The following TMEM132D variants were observed in gnomAD, a reference collection of about 807,000 sequenced individuals.
The protein encoded by TMEM132D is transmembrane protein 132D, also known as mature OL transmembrane protein.
TMEM132D carries 21 observed loss-of-function variants against 62.3 expected under a neutral mutation model. The ratio of observed to expected loss-of-function variants is 0.34; its 90% confidence interval spans 0.24 to 0.49. TMEM132D has a LOEUF of 0.49. Among genes scored for constraint, TMEM132D ranks in the 20% least tolerant of loss-of-function variants. The pLI, the probability that TMEM132D is intolerant of heterozygous loss-of-function variation, is 0.99. For missense variants in TMEM132D, 1,346 were observed against 1,402.8 expected, an observed-to-expected ratio of 0.96 and a Z score of 0.65; for synonymous variants, 621 against 575.6, an observed-to-expected ratio of 1.08 and a Z score of -1.13.
chr12:129,601,189 T>C (rs1733135711), intron 2 of TMEM132D, among the ~76,000 whole-genome samples: 1 of 152,218 alleles, frequency 6.6e-6, no homozygotes, highest in African/African-American at 2.4e-5. Context: ...GATGGCATCT[T>C]TTCTTAAATC....
intron 4 of TMEM132D, among the ~76,000 whole-genome samples, chr12:129,313,291 A>G (rs1882026337): frequency 6.6e-6 from 1 of 152,126 alleles, no homozygotes; most frequent in African/African-American, 2.4e-5. Context: ...ACACTGCACC[A>G]TATTTGTAGT....
At chr12:129,611,674 T>A (rs947958103) in intron 2 of TMEM132D, among the ~76,000 whole-genome samples, 1 of 152,162 alleles carries the variant, frequency 6.6e-6, no homozygotes, top group Non-Finnish European at 1.5e-5. Context: ...CACTCCATCA[T>A]GGGAGGACAG....
intron 5 of TMEM132D, among the ~76,000 whole-genome samples, chr12:129,137,947 C>T (rs1876634472): frequency 6.6e-6 from 1 of 151,774 alleles, no homozygotes; most frequent in Non-Finnish European, 1.5e-5. Context: ...ATGTTATTTT[C>T]ATCCATGTGT....
intron 2 of TMEM132D, among the ~76,000 whole-genome samples, chr12:129,612,359 C>T (rs1878798996): frequency 6.6e-6 from 1 of 152,160 alleles, no homozygotes; most frequent in Admixed American, 6.5e-5. Context: ...GGAACGCCTC[C>T]TGGCCAAGTT....
chr12:129,168,386 C>G (rs1453561808), intron 5 of TMEM132D, among the ~76,000 whole-genome samples: 1 of 152,090 alleles, frequency 6.6e-6, no homozygotes, highest in East Asian at 1.9e-4. Flanking sequence ...GTAATTTTTG[C>G]CACACCCAAA....
At chr12:129,335,288 C>A (rs532854218) in intron 4 of TMEM132D, among the ~76,000 whole-genome samples, 1 of 151,852 alleles carries the variant, frequency 6.6e-6, no homozygotes, top group Non-Finnish European at 1.5e-5. Context: ...TGTGCCATCA[C>A]ACCTGGCTAA....
chr12:129,315,468 C>A (rs146442564), intron 4 of TMEM132D, among the ~76,000 whole-genome samples: 91 of 152,270 alleles, frequency 6.0e-4, no homozygotes, highest in Middle Eastern at 3.4e-3. Flanking sequence ...ATGTGTTAAA[C>A]CATCCCTGCA....
chr12:129,858,767 A>G (rs1873773729), intron 1 of TMEM132D, among the ~76,000 whole-genome samples: 1 of 81,006 alleles, frequency 1.2e-5, no homozygotes, highest in Non-Finnish European at 2.3e-5. Context: ...AGTCCGGGGA[A>G]ACGGGATGGG....
intron 4 of TMEM132D, among the ~76,000 whole-genome samples, chr12:129,281,376 G>T (rs1407811849): frequency 2.0e-5 from 3 of 147,158 alleles, no homozygotes; most frequent in East Asian, 2.0e-4. Flanking sequence ...AGGTTTTTTT[G>T]TTTGTTTGTT....
chr12:129,379,062 C>A (rs1187058536), intron 3 of TMEM132D, among the ~76,000 whole-genome samples: 2 of 151,974 alleles, frequency 1.3e-5, no homozygotes, highest in East Asian at 3.9e-4. Flanking sequence ...GGTAATAAAT[C>A]GTGTTAAATA....
chr12:129,704,501 G>A (rs1324057185), intron 1 of TMEM132D, among the ~76,000 whole-genome samples: 1 of 152,184 alleles, frequency 6.6e-6, no homozygotes, highest in African/African-American at 2.4e-5. Context: ...CAGTGATGGG[G>A]GCAGGAGGTT....
chr12:129,131,514 G>A (rs558619783), intron 5 of TMEM132D, among the ~76,000 whole-genome samples: 1 of 152,268 alleles, frequency 6.6e-6, no homozygotes, highest in African/African-American at 2.4e-5. Flanking sequence ...GGCTGAGGCA[G>A]GAGAATCGCT....
Position 129,170,806 on chromosome 12 carries a change from T to TAA in TMEM132D, c.1443+38712_1443+38713dup, listed in dbSNP as rs35002656. On this transcript the variant is annotated intron_variant, in intron 5 of 8. Transcript: ENST00000422113. ...CTGAGCGACCCAGCGAGACTCCAAG[T>TAA]AAAAAAAAAAAGTGTTATTGATAAA... Among the ~76,000 whole-genome samples, 97 of 147,672 alleles carry TAA rather than the reference T, an allele frequency of 6.6e-4. 1 individual carries two copies. In the Middle Eastern group the frequency reaches 0.01, roughly 16 times the overall value.
At chr12:129,611,995 C>T (rs1224223871) in intron 2 of TMEM132D, among the ~76,000 whole-genome samples, 5 of 152,156 alleles carry the variant, frequency 3.3e-5, no homozygotes, top group Admixed American at 2.6e-4. Flanking sequence ...CGTGGCCGGT[C>T]GCAGTACCCT....
rs190236992 is a variant in TMEM132D at position 129,430,210 on chromosome 12, G to C, written c.1116-92393C>G. On this transcript the variant is annotated intron_variant, in intron 3 of 8. Transcript: ENST00000422113. ...TTACAGTCCCACCAACAGTGTAAAA[G>C]TGTTCCTATTTCTCCACATCCTCTC... Among the ~76,000 whole-genome samples, 897 of 152,260 alleles carry C rather than the reference G, an allele frequency of 5.9e-3. 7 individuals carry two copies. The highest frequency in any genetic ancestry group is 0.02 in the African/African-American group (847 of 41,540).
chr12:129,350,253 G>A (rs963125821), intron 3 of TMEM132D, among the ~76,000 whole-genome samples: 1 of 152,168 alleles, frequency 6.6e-6, no homozygotes, highest in East Asian at 1.9e-4. Flanking sequence ...AGCTAAGGAA[G>A]AGAACCTTGT....
chr12:129,761,222 C>T (rs1420763938), intron 1 of TMEM132D, among the ~76,000 whole-genome samples: 3 of 152,088 alleles, frequency 2.0e-5, no homozygotes, highest in Non-Finnish European at 2.9e-5. Context: ...TTCAATGTCT[C>T]GGTCACCATC....
chr12:129,203,825 C>T (rs1256476156), intron 5 of TMEM132D, among the ~76,000 whole-genome samples: 1 of 152,258 alleles, frequency 6.6e-6, no homozygotes, highest in Non-Finnish European at 1.5e-5. Context: ...AAGTATACAG[C>T]TTGTCTGCCA....
At chr12:129,760,317 C>T (rs1254537916) in intron 1 of TMEM132D, among the ~76,000 whole-genome samples, 1 of 134,946 alleles carries the variant, frequency 7.4e-6, no homozygotes, top group Admixed American at 8.5e-5. Context: ...TGATGTAAGC[C>T]ACTTTCTTTT....
Sources: allele counts gnomAD v4.1 joint callset (sites outside exome capture counted in the v4.1 genomes callset), GRCh38; gene constraint gnomAD v4.1.1; transcripts MANE v1.5; gene names NCBI Gene and HGNC (gene_info 2026-07-23, HGNC 2026-07-21).